Variants in CHLSN observed in about 807,000 individuals in gnomAD.
CHLSN encodes cholesin.
At chr7:1,114,544 G>A in the CHLSN span, among the ~76,000 whole-genome samples, 3 of 152,330 alleles carry the variant, frequency 2.0e-5, no homozygotes, top group African/African-American at 7.2e-5. Flanking sequence ...GGCTGCCCCC[G>A]CTCGGCCGCT....
the CHLSN span, among the ~76,000 whole-genome samples, chr7:1,136,473 A>AAAAC: frequency 9.1e-6 from 1 of 109,724 alleles, no homozygotes; most frequent in Non-Finnish European, 1.6e-5. Context: ...AACATATATA[A>AAAAC]ATATATAAAC....
At chr7:1,016,774 AG>A in the CHLSN span, among the ~76,000 whole-genome samples, 1 of 74,766 alleles carries the variant, frequency 1.3e-5, no homozygotes, top group East Asian at 3.2e-4. Flanking sequence ...CACAGCGCAC[AG>A]CAGCGCACAG....
At chr7:1,103,126 G>A in the CHLSN span, among the ~76,000 whole-genome samples, 1 of 152,236 alleles carries the variant, frequency 6.6e-6, no homozygotes. Flanking sequence ...CGTCCGGGAG[G>A]CGCGGGTGCA....
At chr7:1,072,846 G>A in the CHLSN span, among the ~76,000 whole-genome samples, 2 of 152,050 alleles carry the variant, frequency 1.3e-5, no homozygotes, top group African/African-American at 4.8e-5. Context: ...ACCACGCCTG[G>A]CTAATTTTTG....
chr7:1,104,697 C>A, the CHLSN span, among the ~76,000 whole-genome samples: 1 of 152,176 alleles, frequency 6.6e-6, no homozygotes, highest in Non-Finnish European at 1.5e-5. Flanking sequence ...CTGGGAAAAC[C>A]ATCTTCAAAG....
chr7:1,109,513 T>C, the CHLSN span: 2 of 152,246 alleles, frequency 1.3e-5, no homozygotes, highest in African/African-American at 2.4e-5. Flanking sequence ...AAGGCTACAG[T>C]GTAACACTCC....
chr7:1,110,091 A>G, the CHLSN span, among the ~76,000 whole-genome samples: 1 of 152,126 alleles, frequency 6.6e-6, no homozygotes, highest in South Asian at 2.1e-4. Flanking sequence ...CCAAGCGCAG[A>G]GGCGAGCGGG....
chr7:1,041,369 G>A, the CHLSN span, among the ~76,000 whole-genome samples: 3 of 132,052 alleles, frequency 2.3e-5, no homozygotes, highest in Admixed American at 7.8e-5. Flanking sequence ...CCTGGGGTCC[G>A]CGCTGCAGGG....
At chr7:1,016,402 G>GCAGCACACAGCAGCGCACGC in the CHLSN span, among the ~76,000 whole-genome samples, 10 of 57,386 alleles carry the variant, frequency 1.7e-4, no homozygotes, top group East Asian at 8.5e-4. Context: ...CCAGCACACA[G>GCAGCACACAGCAGCGCACGC]CAGCACACAG....
chr7:1,114,424 T>C, the CHLSN span, among the ~76,000 whole-genome samples: 1 of 152,206 alleles, frequency 6.6e-6, no homozygotes, highest in African/African-American at 2.4e-5. Context: ...CCTGGAGAAG[T>C]GCTGTTTCTG....
chr7:987,238 C>A, the CHLSN span: 1 of 1,530,752 alleles, frequency 6.5e-7, no homozygotes, highest in Non-Finnish European at 8.8e-7. Context: ...GGCACCCGGA[C>A]GTGCAGGGTG....
the CHLSN span, chr7:997,826 T>A: frequency 6.2e-7 from 1 of 1,600,666 alleles, no homozygotes; most frequent in African/African-American, 1.4e-5. Flanking sequence ...AGAGATCGAG[T>A]TGGTCAGGGG....
the CHLSN span, among the ~76,000 whole-genome samples, chr7:1,016,270 C>T: frequency 4.8e-3 from 304 of 63,014 alleles, 53 homozygotes; most frequent in African/African-American, 0.038. Flanking sequence ...CACACAGCAG[C>T]GCACGCCAGC....
chr7:1,016,602 C>A, the CHLSN span, among the ~76,000 whole-genome samples: 2 of 66,910 alleles, frequency 3.0e-5, no homozygotes, highest in Non-Finnish European at 5.8e-5. Context: ...CACACAGCAG[C>A]GTACAGCAGC....
chr7:1,096,721 G>C, the CHLSN span, among the ~76,000 whole-genome samples: 1 of 152,220 alleles, frequency 6.6e-6, no homozygotes. The surrounding 1 kb of genome is among the most constrained non-coding windows in gnomAD (Gnocchi z 4.6). Flanking sequence ...CACTGAACGT[G>C]ACCTCCTCGT....
At chr7:979,337 C>T in the CHLSN span, among the ~76,000 whole-genome samples, 4 of 152,078 alleles carry the variant, frequency 2.6e-5, no homozygotes, top group African/African-American at 9.7e-5. Flanking sequence ...CAAATGCGAT[C>T]GTCAAAGTTT....
the CHLSN span, among the ~76,000 whole-genome samples, chr7:1,131,028 A>G: frequency 1.3e-5 from 2 of 151,996 alleles, no homozygotes; most frequent in Admixed American, 1.3e-4. Context: ...CGTCTACAAA[A>G]CATTTTTTAA....
At chr7:1,007,738 G>T in the CHLSN span, among the ~76,000 whole-genome samples, 1 of 152,170 alleles carries the variant, frequency 6.6e-6, no homozygotes, top group Non-Finnish European at 1.5e-5. Context: ...CTCCGCACAG[G>T]ACTTGCCGCT....
the CHLSN span, among the ~76,000 whole-genome samples, chr7:1,086,051 C>T: frequency 1.3e-5 from 2 of 152,208 alleles, no homozygotes; most frequent in African/African-American, 4.8e-5. Flanking sequence ...GACCCAGATG[C>T]CCCGATCCGC....
Sources: gnomAD v4.1 joint callset for allele counts (sites outside exome capture counted in the v4.1 genomes callset) on GRCh38, gnomAD v4.1.1 for gene constraint, Gnocchi (gnomAD v3.1) non-coding constraint, MANE v1.5 for transcripts, NCBI Gene and HGNC (gene_info 2026-07-23, HGNC 2026-07-21) for gene names.